SHTN1: variants seen among roughly 807,000 people sequenced by gnomAD.
SHTN1 encodes the protein shootin 1.
A neutral mutation model predicts 83.1 loss-of-function variants in SHTN1; 42 were observed. The observed-to-expected ratio is 0.51, with a 90% CI of 0.39 to 0.65. The LOEUF is 0.65. Ranked by LOEUF, SHTN1 falls within the 30% of genes least tolerant of loss-of-function variation. The pLI is 0.00. For missense variants in SHTN1, 622 were observed against 737.8 expected (o/e 0.84, Z 1.82); for synonymous variants, 224 against 247.7 (o/e 0.90, Z 0.90).
At chr10:116,943,208 G>A (rs1849450427) in intron 8 of SHTN1, among the ~76,000 whole-genome samples, 1 of 152,094 alleles carries the variant, frequency 6.6e-6, no homozygotes, top group South Asian at 2.1e-4. Context: ...CAACCACTAA[G>A]ACTGAAGACC....
chr10:116,944,360 A>G (rs568560054), intron 8 of SHTN1, among the ~76,000 whole-genome samples: 26 of 152,204 alleles, frequency 1.7e-4, no homozygotes, highest in Admixed American at 2.6e-4. Flanking sequence ...ATTATTGTCC[A>G]TTTTACAGAT....
chr10:116,927,726 C>T, intron 11 of SHTN1, 66 bp downstream of exon 11: 1 of 1,428,176 alleles, frequency 7.0e-7, no homozygotes, highest in Admixed American at 2.6e-5. Context: ...TAAGATGACT[C>T]CTCTTATGGC....
At position 117,072,002 on chromosome 10, in the gene SHTN1, T is replaced by C. The variant is rs759048916; in HGVS notation, c.-188-23492A>G. Among the ~76,000 whole-genome samples the C allele has an allele frequency of 2.0e-5, 3 of 152,232 alleles. No homozygotes were observed. The South Asian group carries it at 6.2e-4, about 31-fold the overall frequency. ...GGACTTTCATTCTGTGAAATTAATA[T>C]CTAAGACTTTGTTCCTGACAGGAAA... On this transcript the variant is annotated intron_variant, in intron 1 of 17. Coordinates refer to the SHTN1 transcript ENST00000392901.
chr10:116,944,895 A>C (rs376543368), intron 8 of SHTN1, 29 bp downstream of exon 8: 32 of 1,469,778 alleles, frequency 2.2e-5, no homozygotes, highest in Middle Eastern at 1.7e-4. Flanking sequence ...GTCTCAAGAA[A>C]AAAAATAAGA....
chr10:116,948,690 T>G (rs1849671421), intron 7 of SHTN1, among the ~76,000 whole-genome samples: 1 of 152,166 alleles, frequency 6.6e-6, no homozygotes, highest in African/African-American at 2.4e-5. Context: ...AGTTTCAAAA[T>G]GAGTGGGTTC....
intron 1 of SHTN1, among the ~76,000 whole-genome samples, chr10:117,091,948 TG>T: frequency 6.6e-6 from 1 of 152,322 alleles, no homozygotes. Context: ...ATGACTGCCA[TG>T]TGTCAAGTGA....
chr10:117,005,220 T>TGGCGCGG (rs1851975213), upstream of SHTN1: 1 of 1,505,178 alleles, frequency 6.6e-7, no homozygotes, highest in Admixed American at 2.0e-5. Context: ...CTCCTCCTCC[T>TGGCGCGG]GGCGCGGAGC....
intron 1 of SHTN1, among the ~76,000 whole-genome samples, chr10:117,084,094 GC>G (rs1428422729): frequency 6.6e-6 from 1 of 152,206 alleles, no homozygotes; most frequent in African/African-American, 2.4e-5. Flanking sequence ...GTGAGGAGCT[GC>G]GTTCCTTTGG....
At chr10:116,993,795 C>A (rs1038817884) in intron 1 of SHTN1, among the ~76,000 whole-genome samples, 2 of 152,064 alleles carry the variant, frequency 1.3e-5, no homozygotes, top group African/African-American at 4.8e-5. Flanking sequence ...AAAGGTTTCG[C>A]AATCTCTTTG....
At chr10:116,984,868 C>T (rs1197228281) in intron 1 of SHTN1, among the ~76,000 whole-genome samples, 2 of 152,228 alleles carry the variant, frequency 1.3e-5, no homozygotes, top group African/African-American at 4.8e-5. Flanking sequence ...TCAAAGGCCA[C>T]ACCCAAAGTC....
intron 1 of SHTN1, among the ~76,000 whole-genome samples, chr10:117,075,680 T>C (rs1261243392): frequency 6.6e-6 from 1 of 152,158 alleles, no homozygotes; most frequent in African/African-American, 2.4e-5. Flanking sequence ...GATATTATAG[T>C]AGTGGCTCAA....
At chr10:116,907,869 A>C (rs1848035834) in intron 14 of SHTN1, 1 of 517,596 alleles carries the variant, frequency 1.9e-6, no homozygotes, top group African/African-American at 1.9e-5. Flanking sequence ...GTAATGTTTG[A>C]ACTCACTAAG....
chr10:116,898,667 T>C (rs891837834), intron 16 of SHTN1, among the ~76,000 whole-genome samples: 1 of 152,168 alleles, frequency 6.6e-6, no homozygotes, highest in African/African-American at 2.4e-5. Flanking sequence ...TAGCTATTAT[T>C]AAAATAGAAA....
intron 1 of SHTN1, among the ~76,000 whole-genome samples, chr10:117,116,350 C>T (rs1338934283): frequency 6.6e-6 from 1 of 151,990 alleles, no homozygotes; most frequent in Non-Finnish European, 1.5e-5. Context: ...ATGCAACCTA[C>T]CAAGACTGAA....
intron 1 of SHTN1, among the ~76,000 whole-genome samples, chr10:116,990,871 C>T (rs763125965): frequency 6.6e-6 from 1 of 151,980 alleles, no homozygotes; most frequent in Non-Finnish European, 1.5e-5. Flanking sequence ...TCTTTGAAGA[C>T]GTTGGTTAAA....
At chr10:116,888,113 G>A (rs573968244) in intron 16 of SHTN1, among the ~76,000 whole-genome samples, 2 of 152,314 alleles carry the variant, frequency 1.3e-5, no homozygotes, top group Admixed American at 1.3e-4. Context: ...GTCTTCCTTG[G>A]AGGTGGTAAA....
At chr10:116,999,002 T>C (rs146786943) in intron 1 of SHTN1, among the ~76,000 whole-genome samples, 1 of 152,318 alleles carries the variant, frequency 6.6e-6, no homozygotes, top group East Asian at 1.9e-4. Context: ...CAAAAGCATT[T>C]TCTTTTTAGA....
intron 1 of SHTN1, among the ~76,000 whole-genome samples, chr10:117,078,775 A>T (rs180795066): frequency 2.4e-4 from 36 of 152,010 alleles, no homozygotes; most frequent in South Asian, 4.1e-4. Context: ...ATATAAATAA[A>T]TTATTTATTT....
chr10:116,906,635 T>C lies in SHTN1; in HGVS notation c.1472A>G (p.Asp491Gly). 1 of 1,612,142 alleles carries C rather than the reference T, an allele frequency of 6.2e-7. No homozygotes were observed. Among genetic ancestry groups the C allele is most frequent in the Non-Finnish European group, 8.5e-7 (1 of 1,178,922 alleles). Residue 491 changes from aspartate (D) to glycine (G), a missense_variant, in exon 15 of 17, where the codon GAT (aspartate) becomes GGT (glycine). Physicochemically the swap from Asp to Gly is moderately conservative, Grantham distance 94. Transcript: ENST00000355371. ...AATTCAAACCGGCTTACTACTGCTA[T>C]CTGCTTCTGCTGTCACCTTTCTGCG... ...LRRRKVTAEADSSSPTGILAT... is the reference protein window; with the variant it reads ...LRRRKVTAEAGSSSPTGILAT...
Sources: allele counts gnomAD v4.1 joint callset (sites outside exome capture counted in the v4.1 genomes callset), GRCh38; gene constraint gnomAD v4.1.1; transcripts MANE v1.5; gene names NCBI Gene and HGNC (gene_info 2026-07-23, HGNC 2026-07-21).